FUCA1: variants seen among roughly 807,000 people sequenced by gnomAD.
FUCA1 encodes alpha-L-fucosidase 1.
FUCA1 carries 52 observed loss-of-function variants against 56.8 expected under a neutral mutation model. The ratio of observed to expected loss-of-function variants is 0.92; its 90% CI spans 0.73 to 1.15. The LOEUF is 1.15. FUCA1 is among the 50% of genes most tolerant of loss of function. The pLI is 0.00. For missense variants in FUCA1, 568 were observed against 592.6 expected, an observed-to-expected ratio of 0.96 and a Z score of 0.43; for synonymous variants, 230 against 226.6, an observed-to-expected ratio of 1.02 and a Z score of -0.14.
intron 5 of FUCA1, among the ~76,000 whole-genome samples, chr1:23,852,845 GC>G (rs1387628667): frequency 6.6e-6 from 1 of 151,658 alleles, no homozygotes; most frequent in Non-Finnish European, 1.5e-5. Context: ...CCTCCCAGCC[GC>G]CTGCCTTGGC....
rs752577592 is a variant in FUCA1, at chr1:23,845,751, C to G, written c.1365G>C (p.Glu455Asp). ...CTGTCAGCTTTATAGTCCAAGCAAACTCTGCGGGGACAGCAGAGGGTGGCA... is the reference window on the plus strand; with the variant it reads ...CTGTCAGCTTTATAGTCCAAGCAAAGTCTGCGGGGACAGCAGAGGGTGGCA... The part of the protein sequence containing the change: ...PQLPPSAVPA[E>D]FAWTIKLTGV... The change falls in exon 8 of 8, where the codon GAG (glutamate) becomes GAC (aspartate). Residue 455 changes from glutamate to aspartate, a missense_variant. Coordinates refer to ENST00000374479, the MANE Select transcript of FUCA1 (RefSeq NM_000147.5). 6.2e-7 allele frequency: 1 copy of G among 1,614,202 alleles called. No individual in the cohort carries two copies. The highest frequency in any genetic ancestry group is 8.5e-7 in the Non-Finnish European group (1 of 1,180,026).
Position 23,845,528 on chromosome 1 carries a change from T to A in FUCA1, c.*187A>T. ...TGACCTGATACAGATATAATCACAATGGATCTCAGATCTTTGGTCCATTTA... is the reference window on the plus strand; with the variant it reads ...TGACCTGATACAGATATAATCACAAAGGATCTCAGATCTTTGGTCCATTTA... On this transcript the variant is annotated 3_prime_UTR_variant, in exon 8 of 8. Transcript: ENST00000374479. 1.5e-6 allele frequency: 1 copy of A among 667,614 alleles called. No homozygotes were observed. Among genetic ancestry groups the A allele is most frequent in the Non-Finnish European group, 2.6e-6 (1 of 380,644 alleles). The allele number at this position is 667,614 out of a possible 1,614,324, so 41.4% of individuals were successfully genotyped here.
At chr1:23,850,316 CAAAAAA>C (rs11425085) in intron 5 of FUCA1, among the ~76,000 whole-genome samples, 1 of 129,492 alleles carries the variant, frequency 7.7e-6, no homozygotes. Flanking sequence ...AATTCCATCT[CAAAAAA>C]AAAAAAAAAA....
chr1:23,845,943 T>C, intron 7 of FUCA1, 88 bp from the exon 8 acceptor site: 1 of 1,570,494 alleles, frequency 6.4e-7, no homozygotes, highest in Non-Finnish European at 8.8e-7. Flanking sequence ...ACAGCCACGC[T>C]GGGCCAGGGC....
At position 23,846,008 on chromosome 1, in the gene FUCA1, A is replaced by G. The variant is rs1253731593; in HGVS notation, c.1260+66T>C. The G allele has an allele frequency of 3.3e-6, 5 of 1,510,394 alleles. No individual in the cohort carries two copies. The East Asian group carries it at 1.1e-4, about 34-fold the overall frequency. 93.6% of individuals were successfully genotyped at this position (1,510,394 alleles called of 1,614,324 possible). The stretch of plus-strand genomic sequence containing the variant: ...ATGGGAGAAACCTGGCAGGGAAGGA[A>G]GAAAGGAAGGATCTGCCAATTCCTT... On this transcript the variant is annotated intron_variant, in intron 7 of 7. Coordinates refer to ENST00000374479, the MANE Select transcript of FUCA1 (RefSeq NM_000147.5).
At chr1:23,847,342 C>CTTTTTTT (rs71026630) in intron 6 of FUCA1, among the ~76,000 whole-genome samples, 1 of 146,298 alleles carries the variant, frequency 6.8e-6, no homozygotes, top group Non-Finnish European at 1.5e-5. Flanking sequence ...TCAGAGATTT[C>CTTTTTTT]TTTTTTTTTT....
In FUCA1 at chr1:23,862,557, C is replaced by T. The variant is rs368970683; in HGVS notation, c.662+577G>A. ...ACCGTCCTCTATGAGTCCCCAGGCTCGAGAAAGGCAAATGGGGATAAAACA... is the reference window on the plus strand; with the variant it reads ...ACCGTCCTCTATGAGTCCCCAGGCTTGAGAAAGGCAAATGGGGATAAAACA... On this transcript the variant is annotated intron_variant, in intron 3 of 7. Coordinates refer to ENST00000374479, the MANE Select transcript of FUCA1 (RefSeq NM_000147.5). Among the ~76,000 whole-genome samples, 8 of 152,080 alleles carry T rather than the reference C, an allele frequency of 5.3e-5. No individual in the cohort carries two copies. In the East Asian group the frequency reaches 5.8e-4, roughly 11 times the overall value.
chr1:23,853,171 C>G (rs554121149), intron 5 of FUCA1, among the ~76,000 whole-genome samples: 313 of 151,546 alleles, frequency 2.1e-3, no homozygotes, highest in Middle Eastern at 6.8e-3. Context: ...GGCCGCGACC[C>G]CGTCTGGGAG....
chr1:23,853,170 C>A (rs1639306208), intron 5 of FUCA1, among the ~76,000 whole-genome samples: 2 of 151,326 alleles, frequency 1.3e-5, no homozygotes, highest in Admixed American at 1.3e-4. Context: ...CGGCCGCGAC[C>A]CCGTCTGGGA....
chr1:23,866,133 G>A (rs1401679051), intron 1 of FUCA1, among the ~76,000 whole-genome samples: 1 of 152,110 alleles, frequency 6.6e-6, no homozygotes, highest in African/African-American at 2.4e-5. Context: ...CCAATGAGGC[G>A]AAAACCCATC....
chr1:23,846,798 T>C (rs1433841686), intron 6 of FUCA1, among the ~76,000 whole-genome samples: 1 of 152,122 alleles, frequency 6.6e-6, no homozygotes, highest in Non-Finnish European at 1.5e-5. Flanking sequence ...GCCAGACTGG[T>C]CTTGAACTCC....
chr1:23,852,007 C>T (rs561337396), intron 5 of FUCA1, among the ~76,000 whole-genome samples: 1 of 150,388 alleles, frequency 6.6e-6, no homozygotes, highest in South Asian at 2.1e-4. Context: ...CACTTGTATC[C>T]CAGAATTTAA....
At chr1:23,858,226 G>A (rs1050877750) in intron 4 of FUCA1, among the ~76,000 whole-genome samples, 1 of 151,736 alleles carries the variant, frequency 6.6e-6, no homozygotes, top group African/African-American at 2.4e-5. Context: ...TACCACGCCT[G>A]GCTAATTTCT....
At chr1:23,852,078 G>GTAATAATAATAATAATAA (rs1410102992) in intron 5 of FUCA1, among the ~76,000 whole-genome samples, 14,164 of 144,952 alleles carry the variant, frequency 0.098, 808 homozygotes, top group Admixed American at 0.11. Flanking sequence ...ATGTTAGAAG[G>GTAATAATAATAATAATAA]TAATAATAAT....
At chr1:23,852,552 C>T (rs1356613883) in intron 5 of FUCA1, among the ~76,000 whole-genome samples, 5 of 152,060 alleles carry the variant, frequency 3.3e-5, no homozygotes, top group East Asian at 1.9e-4. Flanking sequence ...ACTGCTGCCA[C>T]CTCGGGTCAC....
chr1:23,850,485 A>T (rs537958342), intron 5 of FUCA1, among the ~76,000 whole-genome samples: 20 of 151,662 alleles, frequency 1.3e-4, no homozygotes, highest in African/African-American at 3.6e-4. Flanking sequence ...ATTATTATTT[A>T]AAAAAAATTT....
chr1:23,857,019 C>G (rs1639406596), intron 4 of FUCA1, among the ~76,000 whole-genome samples: 1 of 151,264 alleles, frequency 6.6e-6, no homozygotes, highest in African/African-American at 2.4e-5. Context: ...AAAAAAAAAG[C>G]CAAAAAAGTT....
At position 23,868,152 on chromosome 1, in the gene FUCA1, A is replaced by G; in HGVS notation, c.135T>C (p.Asp45=). The change falls in exon 1 of 8, where the codon GAT becomes GAC. Residue 45 remains aspartate, a synonymous_variant. Coordinates refer to ENST00000374479, the MANE Select transcript of FUCA1 (RefSeq NM_000147.5). ...RRYTPDWPSL[D]SRPLPAWFDE... Reference sequence around the variant, plus strand: ...CGAACCAGGCCGGCAGCGGCCGAGAATCCAGGCTCGGCCAGTCTGGGGTGT... The same window carrying G: ...CGAACCAGGCCGGCAGCGGCCGAGAGTCCAGGCTCGGCCAGTCTGGGGTGT... 1 of 1,610,252 alleles carries G rather than the reference A, an allele frequency of 6.2e-7. No homozygotes were observed. The highest frequency in any genetic ancestry group is 8.5e-7 in the Non-Finnish European group (1 of 1,179,114).
chr1:23,857,317 C>A (rs1189002126), intron 4 of FUCA1, among the ~76,000 whole-genome samples: 2 of 152,342 alleles, frequency 1.3e-5, no homozygotes, highest in East Asian at 3.9e-4. Flanking sequence ...GAGGCTCACA[C>A]TGTGGCAGAC....
Sources: allele counts gnomAD v4.1 joint callset (sites outside exome capture counted in the v4.1 genomes callset), GRCh38; gene constraint gnomAD v4.1.1; transcripts MANE v1.5; gene names NCBI Gene and HGNC (gene_info 2026-07-23, HGNC 2026-07-21).